Variants in DYNC2I1 observed in about 807,000 individuals in gnomAD.
The protein encoded by DYNC2I1 is cytoplasmic dynein 2 intermediate chain 1.
A neutral mutation model predicts 133.4 loss-of-function variants in DYNC2I1; 89 were observed. The observed-to-expected ratio is 0.67, with a 90% CI of 0.56 to 0.80. The LOEUF is 0.80. Among genes scored for constraint, DYNC2I1 ranks in the 30% least tolerant of loss-of-function variants. The pLI, the probability that DYNC2I1 is intolerant of heterozygous loss-of-function variation, is 0.00. For synonymous variants in DYNC2I1, 504 were observed against 484.3 expected (o/e 1.04, Z -0.54); for missense variants, 1,291 against 1,314.5 (o/e 0.98, Z 0.28).
chr7:158,877,631 G>T lies in DYNC2I1; in HGVS notation c.573+940G>T, dbSNP rs188725783. Among the ~76,000 whole-genome samples, 443 of 152,236 alleles carry T rather than the reference G, an allele frequency of 2.9e-3. 5 individuals are homozygous for T. Among genetic ancestry groups the T allele is most frequent in the Non-Finnish European group, 1.5e-3 (102 of 68,014 alleles). Reference sequence around the variant, plus strand: ...ATTCAGAAGAAAATGGCATTTCTGGGCATTTTTAAAAGCAGGTTTACTGTC... The same window carrying T: ...ATTCAGAAGAAAATGGCATTTCTGGTCATTTTTAAAAGCAGGTTTACTGTC... On this transcript the variant is annotated intron_variant, in intron 4 of 24. Coordinates refer to ENST00000407559, the MANE Select transcript of DYNC2I1 (RefSeq NM_018051.5).
chr7:158,880,068 G>A (rs1451317881), intron 5 of DYNC2I1, 79 bp downstream of exon 5: 15 of 1,489,980 alleles, frequency 1.0e-5, no homozygotes, highest in African/African-American at 9.9e-5. Flanking sequence ...GGGCGGTGTC[G>A]CCAGACAAGG....
chr7:158,860,643 TG>T (rs559415447), intron 1 of DYNC2I1, among the ~76,000 whole-genome samples: 27 of 152,232 alleles, frequency 1.8e-4, no homozygotes, highest in Non-Finnish European at 3.5e-4. Flanking sequence ...TTATGGTCAA[TG>T]AAAATTTTAG....
At chr7:158,860,652 T>A (rs778125990) in intron 1 of DYNC2I1, among the ~76,000 whole-genome samples, 15 of 152,240 alleles carry the variant, frequency 9.9e-5, no homozygotes, top group Non-Finnish European at 2.2e-4. Flanking sequence ...ATGAAAATTT[T>A]AGAAATTTCT....
chr7:158,867,289 T>C (rs574811081), intron 1 of DYNC2I1, among the ~76,000 whole-genome samples: 4 of 152,186 alleles, frequency 2.6e-5, no homozygotes, highest in Non-Finnish European at 5.9e-5. Context: ...CATGAAGCTC[T>C]GTTGTACCGG....
the DYNC2I1 span, among the ~76,000 whole-genome samples, chr7:158,846,571 T>G: frequency 2.5e-4 from 38 of 152,310 alleles, no homozygotes; most frequent in African/African-American, 8.4e-4. Flanking sequence ...ATTATAATAG[T>G]CTTTACAGAA....
downstream of DYNC2I1, among the ~76,000 whole-genome samples, chr7:158,949,383 C>T (rs1005416001): frequency 8.5e-5 from 13 of 152,244 alleles, no homozygotes; most frequent in Non-Finnish European, 1.8e-4. Flanking sequence ...CCTGGAAAAG[C>T]GTCTGCCTGG....
Position 158,879,876 on chromosome 7 carries a change from C to T in DYNC2I1, c.766C>T (p.His256Tyr). 6.2e-7 allele frequency: 1 copy of T among 1,613,098 alleles called. No individual in the cohort carries two copies. The highest frequency in any genetic ancestry group is 8.5e-7 in the Non-Finnish European group (1 of 1,179,514). ...NSFSDKGEERHKEKRHKEGFH... is the reference protein window; with the variant it reads ...NSFSDKGEERYKEKRHKEGFH... The stretch of plus-strand genomic sequence containing the variant: ...ATTCTCTGACAAAGGGGAAGAAAGA[C>T]ATAAAGAAAAGCGACACAAAGAAGG... Residue 256 changes from histidine (H) to tyrosine (Y), a missense_variant, in exon 5 of 25, where the codon CAT becomes TAT. By Grantham distance (83) the His-to-Tyr change is moderately conservative. Coordinates refer to ENST00000407559, the MANE Select transcript of DYNC2I1 (RefSeq NM_018051.5).
intron 13 of DYNC2I1, among the ~76,000 whole-genome samples, 184 bp from the exon 14 acceptor site, chr7:158,914,049 C>T (rs554380831): frequency 3.3e-5 from 5 of 152,302 alleles, no homozygotes; most frequent in Admixed American, 6.5e-5. Flanking sequence ...TTCTATAAAA[C>T]AATATGCAGT....
chr7:158,898,107 G>A (rs964290213), intron 8 of DYNC2I1, among the ~76,000 whole-genome samples: 5 of 152,164 alleles, frequency 3.3e-5, no homozygotes, highest in African/African-American at 9.7e-5. Context: ...GAGAGCAGAT[G>A]TATAATTTCC....
intron 1 of DYNC2I1, among the ~76,000 whole-genome samples, chr7:158,866,228 G>A (rs1842390476): frequency 6.6e-6 from 1 of 151,898 alleles, no homozygotes; most frequent in African/African-American, 2.4e-5. Flanking sequence ...CAGCGCCCAC[G>A]TCTCCTGGTT....
At chr7:158,949,945 A>G (rs538731537), downstream of DYNC2I1, among the ~76,000 whole-genome samples, 235 of 151,380 alleles carry the variant, frequency 1.6e-3, no homozygotes, top group African/African-American at 5.5e-3. Context: ...CTAATTTTGT[A>G]TTTTTAGTAG....
At position 158,871,144 on chromosome 7, in the gene DYNC2I1, C is replaced by T. The variant is rs1365341387; in HGVS notation, c.72C>T (p.Ala24=). 6.2e-7 allele frequency: 1 copy of T among 1,611,168 alleles called. No individual in the cohort carries two copies. Among genetic ancestry groups the T allele is most frequent in the South Asian group, 1.1e-5 (1 of 90,692 alleles). ...KADDLRKHLW[A]IQSGGSKEER... ...GACCCTTTGTTCTCTTGTTTCAGGCCATACAGTCAGGTGGTTCCAAGGAAG... is the reference window on the plus strand; with the variant it reads ...GACCCTTTGTTCTCTTGTTTCAGGCTATACAGTCAGGTGGTTCCAAGGAAG... The change falls in exon 3 of 25, where the codon GCC becomes GCT. Residue 24 remains alanine, a splice_region_variant and synonymous_variant. Coordinates refer to ENST00000407559, the MANE Select transcript of DYNC2I1 (RefSeq NM_018051.5).
At chr7:158,944,537 G>C (rs910822377) in intron 24 of DYNC2I1, among the ~76,000 whole-genome samples, 1 of 152,182 alleles carries the variant, frequency 6.6e-6, no homozygotes, top group African/African-American at 2.4e-5. Context: ...GTATCCGCTG[G>C]TGAAAATCCG....
At chr7:158,870,237 G>A (rs1048404502) in intron 2 of DYNC2I1, among the ~76,000 whole-genome samples, 1 of 152,206 alleles carries the variant, frequency 6.6e-6, no homozygotes, top group African/African-American at 2.4e-5. Flanking sequence ...GTTTTAGAAC[G>A]AGGGTCCTTG....
At chr7:158,925,434 C>T (rs777582742) in intron 17 of DYNC2I1, among the ~76,000 whole-genome samples, 4 of 152,140 alleles carry the variant, frequency 2.6e-5, no homozygotes, top group African/African-American at 4.8e-5. Context: ...CCATTTGGAA[C>T]GTTGAGTTTT....
chr7:158,945,918 A>T lies in DYNC2I1; in HGVS notation c.*139A>T. On this transcript the variant is annotated 3_prime_UTR_variant, in exon 25 of 25. Coordinates refer to ENST00000407559, the MANE Select transcript of DYNC2I1 (RefSeq NM_018051.5). This position sits in a 1 kb window ranked among gnomAD's most constrained non-coding sequence, Gnocchi z 4.1. Reference sequence around the variant, plus strand: ...TGTATATAATTTATTTTACATGAATATGTCTTTGGTATTCCCAGTAAATAG... The same window carrying T: ...TGTATATAATTTATTTTACATGAATTTGTCTTTGGTATTCCCAGTAAATAG... 1.2e-6 allele frequency: 1 copy of T among 867,762 alleles called. No individual in the cohort carries two copies. The highest frequency in any genetic ancestry group is 1.6e-6 in the Non-Finnish European group (1 of 632,908). 53.8% of individuals were successfully genotyped at this position (867,762 alleles called of 1,614,324 possible). A position where few individuals can be genotyped will look rare whatever the true frequency, so the allele number is the denominator to read the frequency against.
At chr7:158,839,283 G>C in the DYNC2I1 span, among the ~76,000 whole-genome samples, 66 of 129,754 alleles carry the variant, frequency 5.1e-4, no homozygotes, top group African/African-American at 1.6e-3. Flanking sequence ...CTCCATAACA[G>C]CTGACTGCAA....
the DYNC2I1 span, among the ~76,000 whole-genome samples, chr7:158,847,789 C>A: frequency 6.6e-6 from 1 of 151,954 alleles, no homozygotes; most frequent in African/African-American, 2.4e-5. Flanking sequence ...AAAAATTAAG[C>A]CAAGGCAAAA....
rs779329473 is a variant in DYNC2I1, at chr7:158,918,778, T to C, written c.1830T>C (p.Ala610=). ...AVLLEEDRLA[A]EPSWNLRAQD... ...TGCTGGAAGAGGATCGCTTGGCAGCTGAACCCAGCTGGAATCTTAGGGCTC... is the reference window on the plus strand; with the variant it reads ...TGCTGGAAGAGGATCGCTTGGCAGCCGAACCCAGCTGGAATCTTAGGGCTC... The change falls in exon 15 of 25, where the codon GCT becomes GCC. Residue 610 remains alanine, a synonymous_variant. Coordinates refer to ENST00000407559, the MANE Select transcript of DYNC2I1 (RefSeq NM_018051.5). 5 of 1,613,784 alleles carry C rather than the reference T, an allele frequency of 3.1e-6. No individual in the cohort carries two copies. Among genetic ancestry groups the C allele is most frequent in the Non-Finnish European group, 4.2e-6 (5 of 1,179,866 alleles).
Sources: allele counts gnomAD v4.1 joint callset (sites outside exome capture counted in the v4.1 genomes callset), GRCh38; gene constraint gnomAD v4.1.1; non-coding constraint Gnocchi (gnomAD v3.1); transcripts MANE v1.5; gene names NCBI Gene and HGNC (gene_info 2026-07-23, HGNC 2026-07-21).